The following SH3BP5 variants were observed in gnomAD, a reference collection of about 807,000 sequenced individuals.
The protein encoded by SH3BP5 is SH3 domain-binding protein 5.
A neutral mutation model predicts 43.3 loss-of-function variants in SH3BP5; 22 were observed. That is an observed-to-expected ratio of 0.51 (90% CI 0.36 to 0.73). The LOEUF (loss-of-function observed/expected upper bound fraction) is 0.73, where lower values mean the gene tolerates loss of function less well. Ranked by LOEUF, SH3BP5 falls within the 30% of genes least tolerant of loss-of-function variation. The probability of loss-of-function intolerance (pLI) is 0.00; values close to 1 mark genes in which losing one functional copy is unlikely to be tolerated. For synonymous variants in SH3BP5, 255 were observed against 225.8 expected (o/e 1.13, Z -1.16); for missense variants, 529 against 586.9 (o/e 0.90, Z 1.02).
chr3:15,262,230 G>A lies in SH3BP5; in HGVS notation c.555C>T (p.Ala185=). Residue 185 remains alanine (A), a synonymous_variant, in exon 5 of 9, where the codon GCC becomes GCT. Coordinates refer to ENST00000383791, the MANE Select transcript of SH3BP5 (RefSeq NM_004844.5). The part of the protein sequence containing the change: ...RSELVHKETA[A]RYNAAMGRMR... The stretch of plus-strand genomic sequence containing the variant: ...TGCGGCCCATGGCGGCATTGTACCT[G>A]GCTGCCGTCTCCTTATGCACCAGCT... The A allele has an allele frequency of 6.2e-7, 1 of 1,614,144 alleles. No individual in the cohort carries two copies. The highest frequency in any genetic ancestry group is 8.5e-7 in the Non-Finnish European group (1 of 1,179,998).
rs374063821 is a variant in SH3BP5, at chr3:15,306,566, A to G, written c.202-2335T>C. 2.0e-3 allele frequency among the ~76,000 whole-genome samples: 298 copies of G among 152,284 alleles called. 2 individuals carry two copies. The highest frequency in any genetic ancestry group is 6.8e-3 in the Middle Eastern group (2 of 294). ...GGGGAAGTGGATACTCCAAAAGAACAACACATGATCATGAGCTATGGGCCT... is the reference window on the plus strand; with the variant it reads ...GGGGAAGTGGATACTCCAAAAGAACGACACATGATCATGAGCTATGGGCCT... On this transcript the variant is annotated intron_variant, in intron 2 of 8. Coordinates refer to ENST00000383791, the MANE Select transcript of SH3BP5 (RefSeq NM_004844.5).
upstream of SH3BP5, among the ~76,000 whole-genome samples, chr3:15,333,954 A>C (rs1451674061): frequency 1.3e-5 from 2 of 152,256 alleles, no homozygotes; most frequent in Non-Finnish European, 2.9e-5. Context: ...TTTGGAACAC[A>C]GGAGCCACCA....
intron 3 of SH3BP5, chr3:15,275,757 A>T (rs755830280): frequency 3.9e-5 from 6 of 152,220 alleles, no homozygotes; most frequent in Non-Finnish European, 8.8e-5. Context: ...GCGCAGTAAC[A>T]CACCTGTAAT....
chr3:15,336,305 G>A (rs1212645753), upstream of SH3BP5, among the ~76,000 whole-genome samples: 2 of 152,174 alleles, frequency 1.3e-5, no homozygotes, highest in Non-Finnish European at 2.9e-5. Context: ...CAGGGAGAGA[G>A]GGAGGGAGAT....
At chr3:15,266,075 C>A (rs1575286862) in intron 4 of SH3BP5, among the ~76,000 whole-genome samples, 1 of 152,356 alleles carries the variant, frequency 6.6e-6, no homozygotes. Context: ...CCTTTGCACC[C>A]TCAGTTACAC....
chr3:15,316,605 A>G (rs538827200), intron 2 of SH3BP5, among the ~76,000 whole-genome samples: 1 of 152,308 alleles, frequency 6.6e-6, no homozygotes, highest in East Asian at 1.9e-4. Context: ...AAATGTTTAA[A>G]ATAGCCCAAG....
intron 3 of SH3BP5, among the ~76,000 whole-genome samples, chr3:15,298,973 G>GGAA (rs10636643): frequency 0.044 from 6,720 of 151,522 alleles, 508 homozygotes; most frequent in African/African-American, 0.15. Context: ...AGGCAAAAAA[G>GGAA]AAAAAAAAGA....
At chr3:15,299,850 G>C (rs1697685750) in intron 3 of SH3BP5, among the ~76,000 whole-genome samples, 1 of 151,938 alleles carries the variant, frequency 6.6e-6, no homozygotes, top group South Asian at 2.1e-4. Context: ...GGAATAGACA[G>C]ACATGGATAT....
At chr3:15,256,689 A>T in intron 8 of SH3BP5, 164 bp downstream of exon 8, 1 of 809,016 alleles carries the variant, frequency 1.2e-6, no homozygotes, top group East Asian at 2.7e-5. Flanking sequence ...CCCCCAGAAC[A>T]GCACTTGGAA....
intron 1 of SH3BP5, among the ~76,000 whole-genome samples, chr3:15,340,758 T>TA (rs200243014): frequency 0.022 from 3,216 of 149,218 alleles, 107 homozygotes; most frequent in African/African-American, 0.071. Context: ...TCTCAAAAAA[T>TA]AAAAAAAAAT....
chr3:15,330,733 T>C (rs2124827409), intron 1 of SH3BP5, 167 bp from the exon 2 acceptor site: 1 of 985,314 alleles, frequency 1.0e-6, no homozygotes, highest in East Asian at 1.1e-4. Flanking sequence ...GAAAAGCAAA[T>C]GAATGTCGGC....
chr3:15,256,306 A>G lies in SH3BP5; in HGVS notation c.1151-3T>C, dbSNP rs116552208. Reference sequence around the variant, plus strand: ...CTCTGCCCCTTCTGCCCTGTCTCCTATAGAAATACAAGGATTATCAAAAGT... The same window carrying G: ...CTCTGCCCCTTCTGCCCTGTCTCCTGTAGAAATACAAGGATTATCAAAAGT... On this transcript the variant is annotated splice_region_variant and splice_polypyrimidine_tract_variant and intron_variant, in intron 8 of 8. Coordinates refer to ENST00000383791, the MANE Select transcript of SH3BP5 (RefSeq NM_004844.5). 7,435 of 1,611,884 alleles carry G rather than the reference A, an allele frequency of 4.6e-3. 253 individuals carry two copies. The African/African-American group carries it at 0.087, about 19-fold the overall frequency.
At chr3:15,334,404 A>G (rs969073450), upstream of SH3BP5, among the ~76,000 whole-genome samples, 2 of 152,122 alleles carry the variant, frequency 1.3e-5, no homozygotes, top group African/African-American at 4.8e-5. Context: ...ATTTGGGGGA[A>G]AAAAACACAA....
intron 2 of SH3BP5, 77 bp from the exon 3 acceptor site, chr3:15,304,308 A>G (rs1406672786): frequency 5.0e-6 from 8 of 1,607,866 alleles, no homozygotes; most frequent in African/African-American, 4.0e-5. Context: ...ACCTAGACAG[A>G]AACATCAACA....
At position 15,332,320 on chromosome 3, in the gene SH3BP5, C is replaced by CCCTCTT. The variant is rs1553621200; in HGVS notation, c.83_88dup (p.Glu28_Glu29dup). On this transcript the variant is annotated inframe_insertion, in exon 1 of 9. Coordinates refer to ENST00000383791, the MANE Select transcript of SH3BP5 (RefSeq NM_004844.5). Reference sequence around the variant, plus strand: ...TTCCTCCTCCAGCCCCTGCTCCATCCCCTCTTCCTCCTCCTCCTCCTCGTC... The same window carrying CCCTCTT: ...TTCCTCCTCCAGCCCCTGCTCCATCCCCTCTTCCTCTTCCTCCTCCTCCTCCTCGTC... The CCCTCTT allele has an allele frequency of 4.5e-6, 7 of 1,546,942 alleles. No individual in the cohort carries two copies. Among genetic ancestry groups the CCCTCTT allele is most frequent in the Non-Finnish European group, 6.1e-6 (7 of 1,149,090 alleles).
In SH3BP5 at chr3:15,269,804, G is replaced by A; in HGVS notation, c.404C>T (p.Thr135Ile). The A allele has an allele frequency of 6.2e-7, 1 of 1,611,176 alleles. No homozygotes were observed. The highest frequency in any genetic ancestry group is 1.1e-5 in the South Asian group (1 of 90,904). ...CAGCCGCTGCTCGGCCAGGGAGATG[G>A]TCTCCTTGGCGGCACGGAGCACCTC... ...ATEVLRAAKE[T>I]ISLAEQRLLE... Residue 135 changes from threonine to isoleucine, a missense_variant, in exon 4 of 9, where the codon ACC (threonine) becomes ATC (isoleucine). Physicochemically the swap from Thr to Ile is moderately conservative, Grantham distance 89. Transcript: ENST00000383791.
In SH3BP5 at chr3:15,311,613, T is replaced by C. The variant is rs140392625; in HGVS notation, c.202-7382A>G. On this transcript the variant is annotated intron_variant, in intron 2 of 8. Coordinates refer to ENST00000383791, the MANE Select transcript of SH3BP5 (RefSeq NM_004844.5). ...GGAGTTCCAGGTGACCTAATGTCTT[T>C]GCATAAAGTCACAGGACTATCAAGT... is the stretch of plus-strand genomic sequence containing the variant. Among the ~76,000 whole-genome samples the C allele has an allele frequency of 2.3e-3, 344 of 152,286 alleles. 1 individual carries two copies. Among genetic ancestry groups the C allele is most frequent in the African/African-American group, 7.9e-3 (330 of 41,562 alleles).
chr3:15,292,165 T>G (rs771975119), intron 3 of SH3BP5, among the ~76,000 whole-genome samples: 3 of 152,192 alleles, frequency 2.0e-5, no homozygotes, highest in Non-Finnish European at 2.9e-5. Context: ...TCCATGTCCA[T>G]GCAATCACTT....
At chr3:15,322,204 A>G (rs1200422080) in intron 2 of SH3BP5, among the ~76,000 whole-genome samples, 1 of 150,642 alleles carries the variant, frequency 6.6e-6, no homozygotes, top group Non-Finnish European at 1.5e-5. Context: ...CTCCATCTCA[A>G]AAAAAAAAAT....
Sources: allele counts gnomAD v4.1 joint callset (sites outside exome capture counted in the v4.1 genomes callset), GRCh38; gene constraint gnomAD v4.1.1; transcripts MANE v1.5; gene names NCBI Gene and HGNC (gene_info 2026-07-23, HGNC 2026-07-21).